The following GFRA1 variants were observed in gnomAD, a reference collection of about 807,000 sequenced individuals.
GFRA1 encodes GDNF family receptor alpha-1.
Under a neutral mutation model 51.6 loss-of-function variants are expected in GFRA1, and 16 were observed. The observed-to-expected ratio is 0.31, with a 90% CI of 0.21 to 0.47. The LOEUF (loss-of-function observed/expected upper bound fraction) is 0.47. Among genes scored for constraint, GFRA1 ranks in the 20% least tolerant of loss-of-function variants. The probability of loss-of-function intolerance (pLI) is 1.00; values close to 1 mark genes in which losing one functional copy is unlikely to be tolerated. For synonymous variants in GFRA1, 270 were observed against 241.3 expected (o/e 1.12, Z -1.10); for missense variants, 530 against 594.3 (o/e 0.89, Z 1.13).
chr10:116,233,061 T>C (rs1966780768), intron 4 of GFRA1, among the ~76,000 whole-genome samples: 1 of 152,188 alleles, frequency 6.6e-6, no homozygotes, highest in Non-Finnish European at 1.5e-5. Flanking sequence ...GAGCAGTGGC[T>C]CACATCTGTA....
intron 4 of GFRA1, among the ~76,000 whole-genome samples, chr10:116,217,541 TAGG>T (rs960238185): frequency 2.0e-5 from 3 of 152,240 alleles, no homozygotes; most frequent in South Asian, 2.1e-4. Context: ...GCAGAATGCC[TAGG>T]AGGACAGTCA....
chr10:116,258,829 C>T (rs964005277), intron 4 of GFRA1, among the ~76,000 whole-genome samples: 2 of 152,210 alleles, frequency 1.3e-5, no homozygotes, highest in Non-Finnish European at 2.9e-5. Context: ...ACCTAGCTCG[C>T]TGCAACTCAC....
rs1954688732 is a variant in GFRA1, at chr10:116,059,276, T to C, written c.*5122A>G. 6.6e-6 allele frequency: 1 copy of C among 152,188 alleles called. No homozygotes were observed. Among genetic ancestry groups the C allele is most frequent in the South Asian group, 2.1e-4 (1 of 4,828 alleles). 9.4% of individuals were successfully genotyped at this position (152,188 alleles called of 1,614,324 possible). A position where few individuals can be genotyped will look rare whatever the true frequency, so the allele number is the denominator to read the frequency against. ...AAGCCTGGGTGTGAGCAGCAAGAGA[T>C]GTTCAAACTAAGTAAGAGTCTAAAG... is the stretch of plus-strand genomic sequence containing the variant. On this transcript the variant is annotated 3_prime_UTR_variant, in exon 11 of 11. Coordinates refer to ENST00000355422, the MANE Select transcript of GFRA1 (RefSeq NM_005264.8).
At chr10:116,201,935 C>CT (rs1279179215) in intron 5 of GFRA1, among the ~76,000 whole-genome samples, 2 of 152,186 alleles carry the variant, frequency 1.3e-5, no homozygotes, top group African/African-American at 4.8e-5. Context: ...TCATTGATTA[C>CT]ACTACCAGAG....
chr10:116,104,174 G>A (rs1178397514), intron 6 of GFRA1, among the ~76,000 whole-genome samples: 1 of 152,230 alleles, frequency 6.6e-6, no homozygotes, highest in Non-Finnish European at 1.5e-5. Flanking sequence ...ATGTGCGTAT[G>A]GCAGTTTAGC....
rs1347815194 is a variant in GFRA1, at chr10:116,057,911, TAATAATAAAAAAAA to T, written c.*6473_*6486del. 1 of 149,336 alleles carries T rather than the reference TAATAATAAAAAAAA, an allele frequency of 6.7e-6. No individual in the cohort carries two copies. The highest frequency in any genetic ancestry group is 6.7e-5 in the Admixed American group (1 of 14,886). 9.3% of individuals were successfully genotyped at this position (149,336 alleles called of 1,614,324 possible). On this transcript the variant is annotated 3_prime_UTR_variant, in exon 11 of 11. Transcript: ENST00000355422. ...GCCTTCAGCTACAGCTAAAAAATAA[TAATAATAAAAAAAA>T]ATTCCCGATCAAGCATGCTTGGCAC...
rs576180809 is a variant in GFRA1 at position 116,209,098 on chromosome 10, A to G, written c.433+2533T>C. On this transcript the variant is annotated intron_variant, in intron 5 of 10. Coordinates refer to ENST00000355422, the MANE Select transcript of GFRA1 (RefSeq NM_005264.8). ...CCTCAGACTCTGTGGTCTAAGCATCACAGCAAGTGGCATTTACAGATGAAA... is the reference window on the plus strand; with the variant it reads ...CCTCAGACTCTGTGGTCTAAGCATCGCAGCAAGTGGCATTTACAGATGAAA... Among the ~76,000 whole-genome samples the G allele has an allele frequency of 3.9e-5, 6 of 152,296 alleles. No homozygotes were observed. In the South Asian group the frequency reaches 1.2e-3, roughly 32 times the overall value.
chr10:116,225,608 G>A lies in GFRA1; in HGVS notation c.419-13963C>T, dbSNP rs1478974394. On this transcript the variant is annotated intron_variant, in intron 4 of 10. Transcript: ENST00000355422. ...CTGTGTGAAACTAATTTTTTTTTTT[G>A]AGACGGAGTCTTGCTCTATTGTCCA... 4.5e-5 allele frequency among the ~76,000 whole-genome samples: 5 copies of A among 112,356 alleles called. No homozygotes were observed. In the South Asian group the frequency reaches 8.9e-4, roughly 20 times the overall value. The allele number at this position is 112,356 out of a possible 152,430, so 73.7% of individuals were successfully genotyped here.
At chr10:116,158,327 T>C (rs1649927618) in intron 5 of GFRA1, among the ~76,000 whole-genome samples, 2 of 152,152 alleles carry the variant, frequency 1.3e-5, no homozygotes, top group Admixed American at 6.5e-5. Flanking sequence ...TATAAATAGA[T>C]TGTAAACTCC....
At chr10:116,070,706 C>G (rs1233549714) in intron 9 of GFRA1, among the ~76,000 whole-genome samples, 1 of 150,682 alleles carries the variant, frequency 6.6e-6, no homozygotes, top group Non-Finnish European at 1.5e-5. Context: ...AAAAGAAGCT[C>G]CTTGTTAGTG....
At chr10:116,191,243 A>G (rs930084024) in intron 5 of GFRA1, among the ~76,000 whole-genome samples, 1 of 152,228 alleles carries the variant, frequency 6.6e-6, no homozygotes, top group African/African-American at 2.4e-5. Context: ...GCATCTATAA[A>G]TGATTCAAAT....
chr10:116,197,045 A>G (rs1963939724), intron 5 of GFRA1, among the ~76,000 whole-genome samples: 1 of 151,470 alleles, frequency 6.6e-6, no homozygotes. Context: ...TAGAAGAACA[A>G]CCAGTCCTTG....
intron 6 of GFRA1, among the ~76,000 whole-genome samples, chr10:116,119,317 G>GT (rs1565589244): frequency 6.6e-6 from 1 of 152,130 alleles, no homozygotes; most frequent in African/African-American, 2.4e-5. Flanking sequence ...AGCAGACAGG[G>GT]TAGCAGGCAG....
rs1358819007 is a variant in GFRA1 at position 116,260,640 on chromosome 10, T to C, written c.418+8863A>G. Among the ~76,000 whole-genome samples, 4 of 151,466 alleles carry C rather than the reference T, an allele frequency of 2.6e-5. No homozygotes were observed. The East Asian group carries it at 7.7e-4, about 29-fold the overall frequency. Reference sequence around the variant, plus strand: ...GTAAATCCTGGATATGAAAAGAAAATGGTTAAAAGATTACAGAAGATAAAA... The same window carrying C: ...GTAAATCCTGGATATGAAAAGAAAACGGTTAAAAGATTACAGAAGATAAAA... On this transcript the variant is annotated intron_variant, in intron 4 of 10. Transcript: ENST00000355422.
At position 116,059,021 on chromosome 10, in the gene GFRA1, G is replaced by A. The variant is rs988636535; in HGVS notation, c.*5377C>T. On this transcript the variant is annotated 3_prime_UTR_variant, in exon 11 of 11. Coordinates refer to ENST00000355422, the MANE Select transcript of GFRA1 (RefSeq NM_005264.8). The stretch of plus-strand genomic sequence containing the variant: ...CTCGCCTCTCAGCAGGAAATGCCAC[G>A]GGCAGATTTAAAGTCACTTGGATCC... The A allele has an allele frequency of 3.3e-5, 5 of 152,268 alleles. No homozygotes were observed. The highest frequency in any genetic ancestry group is 3.9e-4 in the East Asian group (2 of 5,170). 9.4% of individuals were successfully genotyped at this position (152,268 alleles called of 1,614,324 possible). A position where few individuals can be genotyped will look rare whatever the true frequency, so the allele number is the denominator to read the frequency against.
In GFRA1 at chr10:116,206,622, C is replaced by CTTTTTTTTT. The variant is rs5788142; in HGVS notation, c.433+5000_433+5008dup. 2.7e-4 allele frequency among the ~76,000 whole-genome samples: 23 copies of CTTTTTTTTT among 84,506 alleles called. 2 individuals are homozygous for CTTTTTTTTT. The highest frequency in any genetic ancestry group is 3.6e-4 in the Non-Finnish European group (16 of 44,760). 55.4% of individuals were successfully genotyped at this position (84,506 alleles called of 152,430 possible). A position where few individuals can be genotyped will look rare whatever the true frequency, so the allele number is the denominator to read the frequency against. ...GGTTACACTTCTGAAACCACATTCT[C>CTTTTTTTTT]TTTTTTTTTTTTTTTTTTTTTTTGA... On this transcript the variant is annotated intron_variant, in intron 5 of 10. Transcript: ENST00000355422.
chr10:116,152,808 G>A (rs898555150), intron 5 of GFRA1, among the ~76,000 whole-genome samples: 1 of 152,234 alleles, frequency 6.6e-6, no homozygotes, highest in Non-Finnish European at 1.5e-5. Context: ...AAGATGTGCT[G>A]TGAACTTCTT....
intron 9 of GFRA1, among the ~76,000 whole-genome samples, chr10:116,077,199 T>A (rs994415267): frequency 6.6e-6 from 1 of 152,194 alleles, no homozygotes; most frequent in African/African-American, 2.4e-5. Flanking sequence ...CACCTAGTGC[T>A]TGGAAAATAG....
chr10:116,109,838 T>C (rs1483228254), intron 6 of GFRA1, among the ~76,000 whole-genome samples: 1 of 152,100 alleles, frequency 6.6e-6, no homozygotes, highest in Non-Finnish European at 1.5e-5. Context: ...TGAGTGCCAA[T>C]GTCAGGCCAA....
Sources: allele counts gnomAD v4.1 joint callset (sites outside exome capture counted in the v4.1 genomes callset), GRCh38; gene constraint gnomAD v4.1.1; transcripts MANE v1.5; gene names NCBI Gene and HGNC (gene_info 2026-07-23, HGNC 2026-07-21).